Variants in IGFL2 observed in about 807,000 individuals in gnomAD.
The protein encoded by IGFL2 is insulin growth factor-like family member 2.
In IGFL2, 7 loss-of-function variants were observed where a neutral mutation model predicts 13.9. The observed-to-expected ratio is 0.51, with a 90% CI of 0.29 to 0.95. IGFL2 has a LOEUF of 0.95. IGFL2 is among the 40% of genes least tolerant of loss of function. The probability of loss-of-function intolerance (pLI) is 0.08; values close to 1 mark genes in which losing one functional copy is unlikely to be tolerated. For synonymous variants in IGFL2, 55 were observed against 55.8 expected, an observed-to-expected ratio of 0.99 and a Z score of 0.07; for missense variants, 138 against 147.8, an observed-to-expected ratio of 0.93 and a Z score of 0.34.
chr19:46,124,038 G>A, the IGFL2 span: 1 of 1,611,332 alleles, frequency 6.2e-7, no homozygotes, highest in Non-Finnish European at 8.5e-7. Context: ...CACAGCGGCG[G>A]GTCTCCTTTA....
the IGFL2 span, chr19:46,213,303 C>T: frequency 6.6e-6 from 1 of 152,324 alleles, no homozygotes; most frequent in Non-Finnish European, 1.5e-5. Flanking sequence ...ATGACACATA[C>T]CCTGCCTGGC....
chr19:46,107,900 C>A, the IGFL2 span, among the ~76,000 whole-genome samples: 12 of 152,084 alleles, frequency 7.9e-5, no homozygotes. Flanking sequence ...TGAAAAAGAG[C>A]CTAAATGCTA....
the IGFL2 span, among the ~76,000 whole-genome samples, chr19:46,108,845 C>T: frequency 1.0e-3 from 154 of 152,206 alleles, no homozygotes; most frequent in African/African-American, 3.4e-3. Flanking sequence ...TCTGTCTCTA[C>T]CAGAAAGGGA....
chr19:46,186,035 T>C, the IGFL2 span, among the ~76,000 whole-genome samples: 2 of 152,166 alleles, frequency 1.3e-5, no homozygotes, highest in African/African-American at 4.8e-5. Flanking sequence ...GAAAATTTCC[T>C]AATCGTTCTC....
chr19:46,160,788 C>T lies in IGFL2; in HGVS notation c.248C>T (p.Ser83Phe). 2 of 1,614,110 alleles carry T rather than the reference C, an allele frequency of 1.2e-6. No homozygotes were observed. The stretch of plus-strand genomic sequence containing the variant: ...TGCTTTGAGCTCTGCTGTCTTGATT[C>T]CTTTGGCCTCACAAACGATTTTGTT... ...WPCFELCCLD[S>F]FGLTNDFVVK... Residue 83 changes from serine (S) to phenylalanine (F), a missense_variant, in exon 3 of 4, where the codon TCC becomes TTC. Transcript: ENST00000377693.
the IGFL2 span, among the ~76,000 whole-genome samples, chr19:46,176,009 A>ATTT: frequency 0.026 from 1,899 of 71,824 alleles, 135 homozygotes; most frequent in Non-Finnish European, 0.034. Context: ...CGCCCGACTA[A>ATTT]TTTTTTTTTT....
chr19:46,202,029 C>A, the IGFL2 span, among the ~76,000 whole-genome samples: 1 of 151,958 alleles, frequency 6.6e-6, no homozygotes, highest in Non-Finnish European at 1.5e-5. Flanking sequence ...ACTGGGACCT[C>A]GCTTGGCCTG....
the IGFL2 span, among the ~76,000 whole-genome samples, chr19:46,094,013 C>A: frequency 7.0e-6 from 1 of 142,498 alleles, no homozygotes; most frequent in Non-Finnish European, 1.5e-5. Flanking sequence ...ACATTCAAAG[C>A]AAACTTAACA....
the IGFL2 span, among the ~76,000 whole-genome samples, chr19:46,092,696 G>A: frequency 2.6e-5 from 4 of 151,222 alleles, no homozygotes; most frequent in African/African-American, 7.3e-5. Flanking sequence ...GCCTAGGCTT[G>A]TCTTGAACTC....
the IGFL2 span, among the ~76,000 whole-genome samples, chr19:46,135,867 A>C: frequency 6.6e-6 from 1 of 152,216 alleles, no homozygotes; most frequent in Non-Finnish European, 1.5e-5. Flanking sequence ...ACATTTTTCA[A>C]AGTGTGGCAG....
At chr19:46,185,019 T>C in the IGFL2 span, among the ~76,000 whole-genome samples, 59 of 152,356 alleles carry the variant, frequency 3.9e-4, no homozygotes, top group African/African-American at 1.3e-3. Context: ...CATTTTTCCA[T>C]GTGTCTGTTG....
In IGFL2 at chr19:46,160,663, A is replaced by T; in HGVS notation, c.123A>T (p.Gly41=). ...TGTGCCAGCCGGCACCCAGGTGTGG[A>T]GACAAGATCTACAACCCCTTGGAGC... is the stretch of plus-strand genomic sequence containing the variant. ...PWLCQPAPRC[G]DKIYNPLEQC... Residue 41 remains glycine (G), a synonymous_variant, in exon 3 of 4, where the codon GGA becomes GGT. Transcript: ENST00000377693. The T allele has an allele frequency of 6.2e-7, 1 of 1,614,010 alleles. No homozygotes were observed. Among genetic ancestry groups the T allele is most frequent in the Non-Finnish European group, 8.5e-7 (1 of 1,179,988 alleles).
At chr19:46,184,050 T>C in the IGFL2 span, among the ~76,000 whole-genome samples, 2 of 152,208 alleles carry the variant, frequency 1.3e-5, no homozygotes, top group African/African-American at 4.8e-5. Context: ...TTCTTAACTT[T>C]CCAGTGATGA....
the IGFL2 span, chr19:46,196,893 C>G: frequency 1.3e-5 from 2 of 154,102 alleles, no homozygotes; most frequent in African/African-American, 4.8e-5. Flanking sequence ...TCAGCCTTCT[C>G]TGATCATGTG....
chr19:46,170,229 A>G, the IGFL2 span, among the ~76,000 whole-genome samples: 3 of 152,016 alleles, frequency 2.0e-5, no homozygotes, highest in East Asian at 3.9e-4. Context: ...ACTGTTGTGT[A>G]TCAGTGATTG....
the IGFL2 span, chr19:46,120,462 C>T: frequency 1.3e-6 from 2 of 1,508,886 alleles, no homozygotes; most frequent in Non-Finnish European, 1.8e-6. Flanking sequence ...ACAGACTTGA[C>T]TGCTACACCA....
chr19:46,145,642 T>G (rs1189952642), upstream of IGFL2, among the ~76,000 whole-genome samples: 18 of 137,654 alleles, frequency 1.3e-4, no homozygotes, highest in South Asian at 1.1e-3. Context: ...GTGTATTTAT[T>G]TATTTATTTA....
Position 46,148,768 on chromosome 19 carries a change from A to G in IGFL2, c.19+471A>G, listed in dbSNP as rs188907297. The G allele has an allele frequency of 8.1e-6, 9 of 1,105,582 alleles. No homozygotes were observed. In the Admixed American group the frequency reaches 2.6e-4, roughly 32 times the overall value. 68.5% of individuals were successfully genotyped at this position (1,105,582 alleles called of 1,614,324 possible). Reference sequence around the variant, plus strand: ...AGGAGGGAGGATTATAGCACTGTGGATAGGGTTGGGGGCTCCCAGAGGTCC... The same window carrying G: ...AGGAGGGAGGATTATAGCACTGTGGGTAGGGTTGGGGGCTCCCAGAGGTCC... On this transcript the variant is annotated intron_variant, in intron 1 of 3. Coordinates refer to ENST00000377693, the MANE Select transcript of IGFL2 (RefSeq NM_001135113.2).
chr19:46,145,161 T>C (rs1326897210), upstream of IGFL2, among the ~76,000 whole-genome samples: 2 of 152,194 alleles, frequency 1.3e-5, no homozygotes, highest in African/African-American at 2.4e-5. Flanking sequence ...TGATGGGTTG[T>C]ATGGTAAATG....
Sources: gnomAD v4.1 joint callset for allele counts (sites outside exome capture counted in the v4.1 genomes callset) on GRCh38, gnomAD v4.1.1 for gene constraint, MANE v1.5 for transcripts, NCBI Gene and HGNC (gene_info 2026-07-23, HGNC 2026-07-21) for gene names.